CNTNAP2: variants seen among roughly 807,000 people sequenced by gnomAD.
The protein encoded by CNTNAP2 is contactin associated protein 2.
In CNTNAP2, 98 loss-of-function variants were observed where a neutral mutation model predicts 155.2. The observed-to-expected ratio is 0.63, with a 90% CI of 0.54 to 0.75. The LOEUF (loss-of-function observed/expected upper bound fraction) is 0.75. Among genes scored for constraint, CNTNAP2 ranks in the 30% least tolerant of loss-of-function variants. CNTNAP2 has a pLI of 0.00. For missense variants in CNTNAP2, 1,727 were observed against 1,688.1 expected, an observed-to-expected ratio of 1.02 and a Z score of -0.40; for synonymous variants, 651 against 631.2, an observed-to-expected ratio of 1.03 and a Z score of -0.47.
At chr7:148,110,703 G>A (rs1053813679) in intron 15 of CNTNAP2, among the ~76,000 whole-genome samples, 3 of 152,138 alleles carry the variant, frequency 2.0e-5, no homozygotes, top group Non-Finnish European at 2.9e-5. Flanking sequence ...GCTCAGAGCC[G>A]GAGGAATGGC....
intron 1 of CNTNAP2, among the ~76,000 whole-genome samples, chr7:146,309,709 G>A (rs1800785287): frequency 6.6e-6 from 1 of 151,924 alleles, no homozygotes; most frequent in Non-Finnish European, 1.5e-5. Flanking sequence ...GATGAGGCAG[G>A]AGACTCGCTT....
intron 15 of CNTNAP2, among the ~76,000 whole-genome samples, chr7:147,988,168 G>T (rs1386817991): frequency 6.6e-6 from 1 of 152,194 alleles, no homozygotes; most frequent in Non-Finnish European, 1.5e-5. Context: ...TTTGTCTAAA[G>T]ACCTGAGACT....
chr7:148,285,145 C>T (rs1316726576), intron 21 of CNTNAP2, among the ~76,000 whole-genome samples: 8 of 152,210 alleles, frequency 5.3e-5, no homozygotes, highest in African/African-American at 1.7e-4. Context: ...TGGCAGCAAG[C>T]ATGGCTAGAT....
At chr7:146,843,929 A>G (rs1353721773) in intron 3 of CNTNAP2, among the ~76,000 whole-genome samples, 1 of 152,110 alleles carries the variant, frequency 6.6e-6, no homozygotes, top group African/African-American at 2.4e-5. Flanking sequence ...TGTTTTTACT[A>G]TCCATTTTAT....
intron 13 of CNTNAP2, among the ~76,000 whole-genome samples, chr7:147,726,016 G>A (rs1796635750): frequency 6.6e-6 from 1 of 151,966 alleles, no homozygotes; most frequent in South Asian, 2.1e-4. Flanking sequence ...GGTAATATCA[G>A]CAAATACTGC....
chr7:146,659,357 T>G (rs376027316), intron 1 of CNTNAP2, among the ~76,000 whole-genome samples: 46 of 152,334 alleles, frequency 3.0e-4, no homozygotes, highest in African/African-American at 1.0e-3. Flanking sequence ...AGTGGAGTTC[T>G]GTGTTGCTCC....
At chr7:148,409,347 A>G (rs1799772878) in intron 22 of CNTNAP2, 44 bp from the exon 23 acceptor site, 5 of 1,428,338 alleles carry the variant, frequency 3.5e-6, no homozygotes, top group Admixed American at 1.7e-5. Context: ...TTTGGGATCA[A>G]TAGTATACTT....
At chr7:146,767,716 A>G (rs1802222012) in intron 1 of CNTNAP2, among the ~76,000 whole-genome samples, 1 of 152,202 alleles carries the variant, frequency 6.6e-6, no homozygotes, top group South Asian at 2.1e-4. Flanking sequence ...GAAGGAGCAT[A>G]CATTTTTATA....
chr7:147,519,588 C>T (rs1336819759), intron 11 of CNTNAP2, among the ~76,000 whole-genome samples: 1 of 152,240 alleles, frequency 6.6e-6, no homozygotes, highest in Non-Finnish European at 1.5e-5. Context: ...CTTGGCCAGG[C>T]ACAGTGGCTC....
At chr7:146,915,675 A>G (rs1454030277) in intron 3 of CNTNAP2, among the ~76,000 whole-genome samples, 2 of 152,184 alleles carry the variant, frequency 1.3e-5, no homozygotes, top group African/African-American at 4.8e-5. Context: ...TTAATTTTGT[A>G]TCCTGAAACT....
At position 147,677,655 on chromosome 7, in the gene CNTNAP2, T is replaced by A. The variant is rs147402787; in HGVS notation, c.2098+38349T>A. 5.9e-5 allele frequency among the ~76,000 whole-genome samples: 9 copies of A among 151,892 alleles called. No individual in the cohort carries two copies. In the East Asian group the frequency reaches 1.7e-3, roughly 29 times the overall value. On this transcript the variant is annotated intron_variant, in intron 13 of 23. Transcript: ENST00000361727. ...CAACGAGTTTCACAGTTTGGGGTCTTATATTTCAGTTTTTAATCCATTTTA... is the reference window on the plus strand; with the variant it reads ...CAACGAGTTTCACAGTTTGGGGTCTAATATTTCAGTTTTTAATCCATTTTA...
intron 1 of CNTNAP2, among the ~76,000 whole-genome samples, chr7:146,397,929 A>G (rs34199552): frequency 6.6e-4 from 98 of 147,698 alleles, no homozygotes; most frequent in Non-Finnish European, 5.9e-4. Flanking sequence ...GCTGGAGTGC[A>G]GTGGTGTGAT....
intron 15 of CNTNAP2, among the ~76,000 whole-genome samples, chr7:148,114,919 T>C (rs2116603224): frequency 6.6e-6 from 1 of 152,324 alleles, no homozygotes; most frequent in East Asian, 1.9e-4. Context: ...CACTCCTACT[T>C]TGATACCATC....
At chr7:147,915,113 TA>T (rs1585026139) in intron 14 of CNTNAP2, among the ~76,000 whole-genome samples, 1 of 152,270 alleles carries the variant, frequency 6.6e-6, no homozygotes, top group East Asian at 1.9e-4. Flanking sequence ...CAGTACATAA[TA>T]AAACAATACT....
chr7:147,293,199 T>C (rs957253109), intron 8 of CNTNAP2, among the ~76,000 whole-genome samples: 1 of 152,230 alleles, frequency 6.6e-6, no homozygotes, highest in Admixed American at 6.5e-5. Flanking sequence ...AGTGACTCTT[T>C]GTAACTTTAC....
At chr7:146,996,968 TTC>T (rs1798322123) in intron 3 of CNTNAP2, among the ~76,000 whole-genome samples, 2 of 152,110 alleles carry the variant, frequency 1.3e-5, no homozygotes, top group Admixed American at 6.6e-5. Context: ...TTGGCTCTCA[TTC>T]TCTCTCTTGC....
chr7:147,500,082 A>G (rs1798782605), intron 11 of CNTNAP2, among the ~76,000 whole-genome samples: 1 of 142,832 alleles, frequency 7.0e-6, no homozygotes, highest in Non-Finnish European at 1.5e-5. Flanking sequence ...AAACCAGAGC[A>G]AGATTTTTTT....
intron 3 of CNTNAP2, among the ~76,000 whole-genome samples, chr7:146,984,097 G>T (rs1798070353): frequency 6.6e-6 from 1 of 152,098 alleles, no homozygotes; most frequent in Non-Finnish European, 1.5e-5. Flanking sequence ...GCCAGGCGCG[G>T]TGGCTCATGC....
chr7:148,323,711 C>G (rs1484006724), intron 21 of CNTNAP2, among the ~76,000 whole-genome samples: 1 of 152,084 alleles, frequency 6.6e-6, no homozygotes, highest in Non-Finnish European at 1.5e-5. Context: ...AATGTGAACT[C>G]TTGAAAACAC....
Sources: allele counts gnomAD v4.1 joint callset (sites outside exome capture counted in the v4.1 genomes callset), GRCh38; gene constraint gnomAD v4.1.1; transcripts MANE v1.5; gene names NCBI Gene and HGNC (gene_info 2026-07-23, HGNC 2026-07-21).